The following ADGRL2 variants were observed in gnomAD, a reference collection of about 807,000 sequenced individuals.
ADGRL2 encodes adhesion G protein-coupled receptor L2, also known as calcium-independent alpha-latrotoxin receptor 2.
A neutral mutation model predicts 157.4 loss-of-function variants in ADGRL2; 44 were observed. The observed-to-expected ratio is 0.28, with a 90% confidence interval of 0.22 to 0.36. The LOEUF (loss-of-function observed/expected upper bound fraction) is 0.36, where lower values mean the gene tolerates loss of function less well. Among genes scored for constraint, ADGRL2 ranks in the 10% least tolerant of loss-of-function variants. ADGRL2 has a pLI of 1.00. For synonymous variants in ADGRL2, 585 were observed against 624.7 expected (o/e 0.94, Z 0.95); for missense variants, 1,510 against 1,768.9 (o/e 0.85, Z 2.63).
intron 2 of ADGRL2, among the ~76,000 whole-genome samples, chr1:81,562,743 G>A (rs989785686): frequency 2.0e-5 from 3 of 151,324 alleles, no homozygotes; most frequent in African/African-American, 7.3e-5. Flanking sequence ...AATATTTTTT[G>A]TATTTACTAC....
chr1:81,884,884 A>G (rs1323832722), intron 2 of ADGRL2, among the ~76,000 whole-genome samples: 3 of 152,228 alleles, frequency 2.0e-5, no homozygotes, highest in Non-Finnish European at 4.4e-5. Flanking sequence ...GTAGAGATAA[A>G]TTCATAATTG....
intron 6 of ADGRL2, among the ~76,000 whole-genome samples, chr1:81,949,034 C>G (rs943345496): frequency 1.3e-5 from 2 of 152,074 alleles, no homozygotes; most frequent in Non-Finnish European, 2.9e-5. Flanking sequence ...CTAATAAATT[C>G]TAATATTCTA....
At chr1:81,574,317 T>C (rs902454647) in intron 2 of ADGRL2, among the ~76,000 whole-genome samples, 9 of 152,170 alleles carry the variant, frequency 5.9e-5, no homozygotes, top group African/African-American at 1.9e-4. Context: ...AGGAAGCACC[T>C]GCTTTCCGGA....
intron 3 of ADGRL2, among the ~76,000 whole-genome samples, chr1:81,623,419 T>C (rs1009821116): frequency 6.6e-6 from 1 of 152,156 alleles, no homozygotes; most frequent in African/African-American, 2.4e-5. Context: ...TTTAAAAGAC[T>C]GGGATGAGGT....
chr1:81,342,984 AAAAT>A (rs1395064787), intron 1 of ADGRL2, among the ~76,000 whole-genome samples: 1 of 152,120 alleles, frequency 6.6e-6, no homozygotes, highest in Non-Finnish European at 1.5e-5. Flanking sequence ...TTTTTTTCCT[AAAAT>A]AAATCTTTTT....
At chr1:81,482,055 CTA>C (rs201114510) in intron 2 of ADGRL2, among the ~76,000 whole-genome samples, 2,854 of 152,284 alleles carry the variant, frequency 0.019, 42 homozygotes, top group Non-Finnish European at 0.028. Flanking sequence ...TCTGAACAGA[CTA>C]TGTGTACCCA....
At chr1:81,421,301 A>T (rs2077120223) in intron 1 of ADGRL2, among the ~76,000 whole-genome samples, 1 of 152,198 alleles carries the variant, frequency 6.6e-6, no homozygotes, top group African/African-American at 2.4e-5. Context: ...CTTATGGAGG[A>T]TGTGAACATC....
intron 17 of ADGRL2, among the ~76,000 whole-genome samples, chr1:81,975,900 T>C (rs1022331619): frequency 6.6e-5 from 10 of 152,174 alleles, no homozygotes; most frequent in African/African-American, 2.4e-4. Flanking sequence ...ATTTTTGGAA[T>C]ATTTTCCCCT....
At chr1:81,666,150 C>G (rs1427239169) in intron 3 of ADGRL2, among the ~76,000 whole-genome samples, 1 of 152,166 alleles carries the variant, frequency 6.6e-6, no homozygotes, top group African/African-American at 2.4e-5. Context: ...GGAAATGCTA[C>G]TGCATGTCAC....
At chr1:81,602,790 C>T (rs927059076) in intron 3 of ADGRL2, among the ~76,000 whole-genome samples, 3 of 147,404 alleles carry the variant, frequency 2.0e-5, no homozygotes, top group Non-Finnish European at 4.5e-5. Flanking sequence ...CCCAGCTACT[C>T]GGGGGGCTGA....
chr1:81,651,822 C>T (rs1352976233), intron 3 of ADGRL2, among the ~76,000 whole-genome samples: 1 of 152,166 alleles, frequency 6.6e-6, no homozygotes, highest in African/African-American at 2.4e-5. Context: ...TAACCTCCAA[C>T]TCCTGGGTTC....
chr1:81,902,178 C>T (rs984146003), intron 2 of ADGRL2, among the ~76,000 whole-genome samples: 22 of 152,134 alleles, frequency 1.4e-4, no homozygotes, highest in African/African-American at 5.3e-4. Context: ...AGACCCGAAT[C>T]AATAGAAGAA....
intron 2 of ADGRL2, among the ~76,000 whole-genome samples, chr1:81,543,318 G>A (rs1476270834): frequency 6.6e-6 from 1 of 151,864 alleles, no homozygotes; most frequent in Admixed American, 6.5e-5. Flanking sequence ...TCCCAAGGGA[G>A]TTGTTCACCC....
At chr1:81,797,852 A>T (rs983302953), upstream of ADGRL2, among the ~76,000 whole-genome samples, 9 of 152,172 alleles carry the variant, frequency 5.9e-5, no homozygotes, top group African/African-American at 1.9e-4. Context: ...GAAGCCCATC[A>T]ATCTCTCTAA....
intron 3 of ADGRL2, among the ~76,000 whole-genome samples, chr1:81,594,411 C>T (rs1259923578): frequency 1.3e-5 from 2 of 152,134 alleles, no homozygotes; most frequent in African/African-American, 2.4e-5. Context: ...AAATGCATGC[C>T]AATGCTTTGG....
intron 1 of ADGRL2, among the ~76,000 whole-genome samples, chr1:81,380,201 A>C (rs550284624): frequency 1.3e-5 from 2 of 152,310 alleles, no homozygotes; most frequent in East Asian, 3.9e-4. Context: ...AATGAAGTGG[A>C]CGTTTTCCCA....
intron 2 of ADGRL2, among the ~76,000 whole-genome samples, chr1:81,496,196 C>T (rs1230103303): frequency 2.0e-5 from 3 of 152,062 alleles, no homozygotes; most frequent in East Asian, 3.9e-4. Context: ...CTTTCAGTGG[C>T]GGTAGACAGA....
intron 1 of ADGRL2, among the ~76,000 whole-genome samples, chr1:81,737,702 C>T (rs182869415): frequency 7.2e-4 from 110 of 152,258 alleles, no homozygotes; most frequent in Middle Eastern, 3.4e-3. Flanking sequence ...ACCTCAAGAG[C>T]CTACAGAATT....
chr1:81,747,084 G>T (rs1170536582), intron 1 of ADGRL2, among the ~76,000 whole-genome samples: 1 of 143,812 alleles, frequency 7.0e-6, no homozygotes, highest in Non-Finnish European at 1.5e-5. Flanking sequence ...GTATATATGT[G>T]TATATACGTA....
Sources: gnomAD v4.1 joint callset for allele counts (sites outside exome capture counted in the v4.1 genomes callset) on GRCh38, gnomAD v4.1.1 for gene constraint, MANE v1.5 for transcripts, NCBI Gene and HGNC (gene_info 2026-07-23, HGNC 2026-07-21) for gene names.